The following RIC1 variants were observed in gnomAD, a reference collection of about 807,000 sequenced individuals.
RIC1 encodes guanine nucleotide exchange factor subunit RIC1.
A neutral mutation model predicts 169.0 loss-of-function variants in RIC1; 88 were observed. The ratio of observed to expected loss-of-function variants is 0.52; its 90% CI spans 0.44 to 0.62. RIC1 has a LOEUF of 0.62. RIC1 is among the 20% of genes least tolerant of loss of function. RIC1 has a pLI of 0.00. For missense variants in RIC1, 1,877 were observed against 1,725.5 expected (o/e 1.09, Z -1.56); for synonymous variants, 790 against 601.5 (o/e 1.31, Z -4.59).
intron 6 of RIC1, among the ~76,000 whole-genome samples, chr9:5,725,149 T>C (rs1239113062): frequency 1.3e-5 from 2 of 152,224 alleles, no homozygotes; most frequent in Non-Finnish European, 2.9e-5. Context: ...TTCCTCTTTG[T>C]ACCTCTGATA....
intron 17 of RIC1, among the ~76,000 whole-genome samples, chr9:5,758,193 G>A (rs1456673343): frequency 6.6e-6 from 1 of 152,178 alleles, no homozygotes; most frequent in African/African-American, 2.4e-5. Context: ...TGAGGAAAGA[G>A]AAAGTATAAT....
chr9:5,765,593 ATCT>A (rs1388329301), intron 20 of RIC1, 21 bp downstream of exon 20: 1 of 1,613,938 alleles, frequency 6.2e-7, no homozygotes, highest in East Asian at 2.2e-5. Context: ...AAAGTTACAC[ATCT>A]TCTCTAGGCC....
At chr9:5,726,236 C>T (rs990852544) in intron 6 of RIC1, among the ~76,000 whole-genome samples, 23 of 152,100 alleles carry the variant, frequency 1.5e-4, no homozygotes, top group African/African-American at 5.3e-4. Context: ...TCTGGGTGCT[C>T]CTGTATTGGG....
intron 11 of RIC1, among the ~76,000 whole-genome samples, 183 bp from the exon 12 acceptor site, chr9:5,747,119 T>C (rs1442683301): frequency 6.6e-6 from 1 of 152,232 alleles, no homozygotes; most frequent in Non-Finnish European, 1.5e-5. Context: ...CTATTCTTTC[T>C]AATTATAACA....
intron 17 of RIC1, among the ~76,000 whole-genome samples, chr9:5,757,660 T>G (rs1826086704): frequency 6.6e-6 from 1 of 152,256 alleles, no homozygotes; most frequent in Non-Finnish European, 1.5e-5. Context: ...ATTGTTCCTG[T>G]TACGTGTACC....
chr9:5,684,271 T>TGGGGGGGGGGGC, intron 2 of RIC1, among the ~76,000 whole-genome samples: 1 of 9,334 alleles, frequency 1.1e-4, no homozygotes, highest in African/African-American at 3.8e-4. Flanking sequence ...CCATCTTGGC[T>TGGGGGGGGGGGC]CCACCCCCCC....
At chr9:5,701,221 T>A (rs1822198431) in intron 3 of RIC1, among the ~76,000 whole-genome samples, 2 of 152,234 alleles carry the variant, frequency 1.3e-5, no homozygotes, top group South Asian at 4.1e-4. Context: ...AGTGGATGTG[T>A]ACATAGCACT....
chr9:5,753,470 A>T, intron 13 of RIC1, 66 bp from the exon 14 acceptor site: 3 of 983,716 alleles, frequency 3.0e-6, no homozygotes, highest in Non-Finnish European at 4.7e-6. Context: ...CACAATACTA[A>T]GCTCTTTATG....
In RIC1 at chr9:5,738,437, G is replaced by C; in HGVS notation, c.813-13G>C. On this transcript the variant is annotated splice_polypyrimidine_tract_variant and intron_variant, in intron 7 of 25. Transcript: ENST00000414202. Reference sequence around the variant, plus strand: ...CTTTTTTCACTAAAAGTTTTTCGTTGTTGTTTTCACAGTGGTTCTGTGCAG... The same window carrying C: ...CTTTTTTCACTAAAAGTTTTTCGTTCTTGTTTTCACAGTGGTTCTGTGCAG... The C allele has an allele frequency of 6.4e-7, 1 of 1,561,858 alleles. No individual in the cohort carries two copies. Among genetic ancestry groups the C allele is most frequent in the Non-Finnish European group, 8.7e-7 (1 of 1,150,894 alleles).
intron 23 of RIC1, among the ~76,000 whole-genome samples, chr9:5,770,504 T>C (rs1827135023): frequency 6.6e-6 from 1 of 152,222 alleles, no homozygotes; most frequent in Non-Finnish European, 1.5e-5. Context: ...TCAACATTAA[T>C]AGATGAATCT....
chr9:5,684,401 T>G (rs1209288034), intron 2 of RIC1, among the ~76,000 whole-genome samples: 8 of 151,068 alleles, frequency 5.3e-5, no homozygotes, highest in Non-Finnish European at 1.2e-4. Flanking sequence ...CTTAGCAATA[T>G]AAACAAGATG....
chr9:5,728,249 A>G (rs575044143), intron 6 of RIC1, among the ~76,000 whole-genome samples: 1 of 152,126 alleles, frequency 6.6e-6, no homozygotes, highest in East Asian at 1.9e-4. Context: ...AATGGTAGAC[A>G]CCCCTCCCCC....
At chr9:5,738,357 C>T (rs780600373) in intron 7 of RIC1, 93 bp from the exon 8 acceptor site, 54 of 814,010 alleles carry the variant, frequency 6.6e-5, no homozygotes, top group Admixed American at 1.4e-4. Context: ...TTCTAGTTTA[C>T]ACTCCCACCA....
At chr9:5,669,887 C>G (rs1417969352) in intron 2 of RIC1, among the ~76,000 whole-genome samples, 3 of 152,140 alleles carry the variant, frequency 2.0e-5, no homozygotes, top group Admixed American at 2.0e-4. Context: ...GATCAGACAT[C>G]ACTTAGGGGA....
rs568487930 is a variant in RIC1, at chr9:5,641,438, C to G, written c.144+11985C>G. Among the ~76,000 whole-genome samples the G allele has an allele frequency of 2.0e-5, 3 of 152,186 alleles. No homozygotes were observed. In the South Asian group the frequency reaches 6.2e-4, roughly 32 times the overall value. On this transcript the variant is annotated intron_variant, in intron 1 of 25. Transcript: ENST00000414202. ...GTTAAATCTGCTTGGCGTTCTGTAA[C>G]CTTCTCATACTTGAATGCAGATATC...
intron 1 of RIC1, among the ~76,000 whole-genome samples, chr9:5,640,650 A>G (rs1291192220): frequency 6.6e-6 from 1 of 151,972 alleles, no homozygotes; most frequent in Non-Finnish European, 1.5e-5. Flanking sequence ...AAGGAGTTAT[A>G]CTCTTCTGTG....
intron 17 of RIC1, among the ~76,000 whole-genome samples, chr9:5,758,894 G>C (rs530428230): frequency 1.3e-5 from 2 of 151,718 alleles, no homozygotes; most frequent in African/African-American, 4.8e-5. Flanking sequence ...GCAGGTGCAC[G>C]CCACCACGCC....
At chr9:5,769,277 C>T in intron 22 of RIC1, 21 bp downstream of exon 22, 1 of 1,613,714 alleles carries the variant, frequency 6.2e-7, no homozygotes, top group East Asian at 2.2e-5. Context: ...CTTCATGTCA[C>T]TTGTACAAGG....
intron 7 of RIC1, 50 bp from the exon 8 acceptor site, chr9:5,738,400 A>G (rs1464417851): frequency 4.0e-6 from 5 of 1,254,242 alleles, no homozygotes; most frequent in East Asian, 4.7e-5. Context: ...TGCTTTTTCT[A>G]TTTGTATTTG....
Sources: allele counts gnomAD v4.1 joint callset (sites outside exome capture counted in the v4.1 genomes callset), GRCh38; gene constraint gnomAD v4.1.1; transcripts MANE v1.5; gene names NCBI Gene and HGNC (gene_info 2026-07-23, HGNC 2026-07-21).